The following ACER3 variants were observed in gnomAD, a reference collection of about 807,000 sequenced individuals.
The protein encoded by ACER3 is alkCDase 3.
ACER3 carries 16 observed loss-of-function variants against 48.9 expected under a neutral mutation model. The observed-to-expected ratio is 0.33, with a 90% CI of 0.22 to 0.50. The LOEUF (loss-of-function observed/expected upper bound fraction) is 0.50, where lower values mean the gene tolerates loss of function less well. ACER3 is among the 20% of genes least tolerant of loss of function. The probability of loss-of-function intolerance (pLI) is 0.98; values close to 1 mark genes in which losing one functional copy is unlikely to be tolerated. For missense variants in ACER3, 227 were observed against 326.0 expected, an observed-to-expected ratio of 0.70 and a Z score of 2.34; for synonymous variants, 109 against 107.8, an observed-to-expected ratio of 1.01 and a Z score of -0.07.
chr11:76,867,908 A>G (rs1461085078), intron 1 of ACER3, among the ~76,000 whole-genome samples: 1 of 152,166 alleles, frequency 6.6e-6, no homozygotes, highest in African/African-American at 2.4e-5. Context: ...ATTCATAGGA[A>G]GTGGGCAGAA....
chr11:76,967,642 C>CA (rs199836941), intron 3 of ACER3, among the ~76,000 whole-genome samples: 13,257 of 152,154 alleles, frequency 0.087, 722 homozygotes, highest in East Asian at 0.2. Context: ...TCAACATAGG[C>CA]AAATCAATAA....
rs1272827689 is a variant in ACER3 at position 76,861,067 on chromosome 11, A to C, written c.91A>C (p.Ile31Leu). The change falls in exon 1 of 11, where the codon ATC (isoleucine) becomes CTC (leucine). Residue 31 changes from isoleucine (I) to leucine (L), a missense_variant. Transcript: ENST00000532485. ...CEENYSVTWY[I>L]AEFWNTVSNL... ...GGAGAACTACTCCGTGACCTGGTAC[A>C]TCGCCGAGTTCTGTGAGTGTGGCCT... is the stretch of plus-strand genomic sequence containing the variant. 2 of 1,545,778 alleles carry C rather than the reference A, an allele frequency of 1.3e-6. No individual in the cohort carries two copies. The highest frequency in any genetic ancestry group is 4.9e-5 in the East Asian group (2 of 40,626).
intron 8 of ACER3, among the ~76,000 whole-genome samples, chr11:77,015,775 A>G (rs1949354162): frequency 6.6e-6 from 1 of 152,192 alleles, no homozygotes; most frequent in African/African-American, 2.4e-5. Context: ...ACTGTGAGAA[A>G]TCTACAGAAT....
chr11:76,907,639 T>G (rs114266378), intron 1 of ACER3, among the ~76,000 whole-genome samples: 3,216 of 149,814 alleles, frequency 0.021, 117 homozygotes, highest in African/African-American at 0.075. Flanking sequence ...GGGAGGCCAA[T>G]GTAGGTGGAT....
chr11:76,957,343 C>A, intron 2 of ACER3: 1 of 291,518 alleles, frequency 3.4e-6, no homozygotes, highest in Non-Finnish European at 7.0e-6. Context: ...TAAGTTGAAG[C>A]ATAGAATTTT....
intron 1 of ACER3, among the ~76,000 whole-genome samples, chr11:76,888,950 G>A (rs1454155966): frequency 2.0e-5 from 3 of 152,182 alleles, no homozygotes; most frequent in Non-Finnish European, 4.4e-5. Context: ...ATATTTCCAA[G>A]TGAAGTAATT....
At chr11:76,881,591 A>G (rs2134576988) in intron 1 of ACER3, among the ~76,000 whole-genome samples, 1 of 152,326 alleles carries the variant, frequency 6.6e-6, no homozygotes, top group Admixed American at 6.5e-5. Context: ...TTGCACAATA[A>G]GGCAACTATA....
At chr11:76,930,341 T>C (rs1402632514) in intron 2 of ACER3, among the ~76,000 whole-genome samples, 1 of 152,230 alleles carries the variant, frequency 6.6e-6, no homozygotes, top group Non-Finnish European at 1.5e-5. Context: ...TTGCATCTAT[T>C]TGATTCTTCT....
intron 4 of ACER3, among the ~76,000 whole-genome samples, chr11:76,984,439 C>T (rs1948646447): frequency 6.6e-6 from 1 of 152,204 alleles, no homozygotes; most frequent in African/African-American, 2.4e-5. Flanking sequence ...GAAAGTGCCT[C>T]TTCTAACCAC....
intron 4 of ACER3, 85 bp from the exon 5 acceptor site, chr11:76,985,558 G>T (rs1948670646): frequency 5.0e-6 from 4 of 801,320 alleles, no homozygotes; most frequent in Admixed American, 6.9e-5. Flanking sequence ...ATCATCGAGA[G>T]ATATAGGCAA....
At chr11:77,007,114 G>GAAA (rs34934546) in intron 7 of ACER3, among the ~76,000 whole-genome samples, 7 of 141,896 alleles carry the variant, frequency 4.9e-5, no homozygotes, top group East Asian at 4.1e-4. Flanking sequence ...CCTGTCTCTT[G>GAAA]AAAAAAAAAA....
chr11:76,887,149 A>G (rs556265470), intron 1 of ACER3, among the ~76,000 whole-genome samples: 1 of 152,286 alleles, frequency 6.6e-6, no homozygotes, highest in Non-Finnish European at 1.5e-5. Context: ...AGTCCTAGCT[A>G]CTTGGGAGGC....
intron 6 of ACER3, among the ~76,000 whole-genome samples, chr11:76,997,960 A>G (rs1415614072): frequency 6.6e-6 from 1 of 152,228 alleles, no homozygotes; most frequent in Non-Finnish European, 1.5e-5. Flanking sequence ...TTATATAAAG[A>G]AAAGCAAAAC....
At chr11:76,893,579 G>A (rs1454182595) in intron 1 of ACER3, among the ~76,000 whole-genome samples, 2 of 152,038 alleles carry the variant, frequency 1.3e-5, no homozygotes, top group Non-Finnish European at 2.9e-5. Context: ...CAGCTACCAG[G>A]AAGGCTGAGG....
chr11:76,930,138 T>G (rs573133038), intron 2 of ACER3, among the ~76,000 whole-genome samples: 1 of 152,340 alleles, frequency 6.6e-6, no homozygotes, highest in East Asian at 1.9e-4. Context: ...TGCGTCAATT[T>G]CAGAGCCTGT....
At position 77,021,684 on chromosome 11, in the gene ACER3, T is replaced by C. The variant is rs1376476073; in HGVS notation, c.*1357T>C. 2 of 152,222 alleles carry C rather than the reference T, an allele frequency of 1.3e-5. No individual in the cohort carries two copies. Among genetic ancestry groups the C allele is most frequent in the Non-Finnish European group, 2.9e-5 (2 of 68,036 alleles). The allele number at this position is 152,222 out of a possible 1,614,324, so 9.4% of individuals were successfully genotyped here. A position where few individuals can be genotyped will look rare whatever the true frequency, so the allele number is the denominator to read the frequency against. On this transcript the variant is annotated 3_prime_UTR_variant, in exon 11 of 11. Coordinates refer to ENST00000532485, the MANE Select transcript of ACER3 (RefSeq NM_018367.7). ...CAGGATTAAATCCTGAGCTACAGTT[T>C]CAAAAGGAAAATCATTTTTTTCTTA...
intron 2 of ACER3, among the ~76,000 whole-genome samples, chr11:76,941,113 C>CA (rs1235346346): frequency 6.6e-6 from 1 of 151,724 alleles, no homozygotes; most frequent in African/African-American, 2.4e-5. Flanking sequence ...TACCTGGAAA[C>CA]AGAGATTTTA....
intron 1 of ACER3, among the ~76,000 whole-genome samples, chr11:76,920,835 C>T (rs11606467): frequency 0.4 from 60,743 of 151,766 alleles, 14,866 homozygotes; most frequent in Non-Finnish European, 0.56. Flanking sequence ...GATGGGTTCT[C>T]CTTATGTTGC....
At chr11:77,002,704 C>G (rs958563513) in intron 7 of ACER3, among the ~76,000 whole-genome samples, 1 of 152,060 alleles carries the variant, frequency 6.6e-6, no homozygotes, top group African/African-American at 2.4e-5. Flanking sequence ...GTAGAATTCT[C>G]TAGTGAAACC....
Sources: allele counts gnomAD v4.1 joint callset (sites outside exome capture counted in the v4.1 genomes callset), GRCh38; gene constraint gnomAD v4.1.1; transcripts MANE v1.5; gene names NCBI Gene and HGNC (gene_info 2026-07-23, HGNC 2026-07-21).